Variants in RFTN1 observed in about 807,000 individuals in gnomAD.
The protein encoded by RFTN1 is raftlin.
RFTN1 carries 26 observed loss-of-function variants against 46.5 expected under a neutral mutation model. The observed-to-expected ratio is 0.56, with a 90% CI of 0.41 to 0.78. The LOEUF is 0.78. Among genes scored for constraint, RFTN1 ranks in the 30% least tolerant of loss-of-function variants. The pLI, the probability that RFTN1 is intolerant of heterozygous loss-of-function variation, is 0.00. For missense variants in RFTN1, 693 were observed against 718.7 expected (o/e 0.96, Z 0.41); for synonymous variants, 261 against 284.2 (o/e 0.92, Z 0.82).
In RFTN1 at chr3:16,507,700, CAT is replaced by C. The variant is rs759929654; in HGVS notation, c.-9+5740_-9+5741del. On this transcript the variant is annotated intron_variant, in intron 1 of 9. Coordinates refer to ENST00000334133, the MANE Select transcript of RFTN1 (RefSeq NM_015150.2). This position sits in a 1 kb window ranked among gnomAD's most constrained non-coding sequence, Gnocchi z 7.1. Reference sequence around the variant, plus strand: ...GCACATAAACACACACATACACACACATACATACACATACACACATACACACA... The same window carrying C: ...GCACATAAACACACACATACACACACACATACACATACACACATACACACA... 1.3e-5 allele frequency among the ~76,000 whole-genome samples: 2 copies of C among 151,298 alleles called. No individual in the cohort carries two copies. Among genetic ancestry groups the C allele is most frequent in the African/African-American group, 2.4e-5 (1 of 41,116 alleles).
intron 3 of RFTN1, among the ~76,000 whole-genome samples, chr3:16,415,152 A>G (rs2075049787): frequency 6.6e-6 from 1 of 152,058 alleles, no homozygotes; most frequent in Non-Finnish European, 1.5e-5. Flanking sequence ...GCTGGGTTCC[A>G]GTTATATTTT....
rs566123039 is a variant in RFTN1, at chr3:16,443,928, A to G, written c.146-9891T>C. On this transcript the variant is annotated intron_variant, in intron 2 of 9. Coordinates refer to ENST00000334133, the MANE Select transcript of RFTN1 (RefSeq NM_015150.2). The surrounding 1 kb of genome is among the most constrained non-coding windows in gnomAD (Gnocchi z 5.5). ...CATTTTGTCAGAGAAGACACAGGCT[A>G]AGATACATCAAGAAGCCTTTTTAAG... Among the ~76,000 whole-genome samples the G allele has an allele frequency of 6.6e-6, 1 of 152,338 alleles. No homozygotes were observed. Among genetic ancestry groups the G allele is most frequent in the South Asian group, 2.1e-4 (1 of 4,824 alleles).
At chr3:16,349,905 T>C (rs1003412911) in intron 7 of RFTN1, 6 of 152,272 alleles carry the variant, frequency 3.9e-5, no homozygotes, top group African/African-American at 1.2e-4. Flanking sequence ...TGTTGCAGTT[T>C]TGAGTCTGCA....
At chr3:16,415,430 T>TATATATATATAC in intron 3 of RFTN1, among the ~76,000 whole-genome samples, 4 of 114,348 alleles carry the variant, frequency 3.5e-5, no homozygotes, top group African/African-American at 1.1e-4. Flanking sequence ...TATATATATA[T>TATATATATATAC]ACACACACAC....
intron 6 of RFTN1, among the ~76,000 whole-genome samples, chr3:16,362,517 C>T (rs917625546): frequency 2.0e-5 from 3 of 152,298 alleles, no homozygotes. Flanking sequence ...GAGCCCCTAT[C>T]ACAATAGGGA....
chr3:16,382,459 G>A lies in RFTN1; in HGVS notation c.442-4357C>T, dbSNP rs1398332083. 6.6e-6 allele frequency among the ~76,000 whole-genome samples: 1 copy of A among 152,132 alleles called. No individual in the cohort carries two copies. The highest frequency in any genetic ancestry group is 1.5e-5 in the Non-Finnish European group (1 of 68,032). On this transcript the variant is annotated intron_variant, in intron 4 of 9. Coordinates refer to ENST00000334133, the MANE Select transcript of RFTN1 (RefSeq NM_015150.2). This position sits in a 1 kb window ranked among gnomAD's most constrained non-coding sequence, Gnocchi z 4.7. ...CCAGTCTCACATTCATCATGGTGGT[G>A]GGCATGCGATGTATTCATCAGGGTT...
At chr3:16,496,426 T>C (rs1390069787) in intron 1 of RFTN1, among the ~76,000 whole-genome samples, 2 of 152,092 alleles carry the variant, frequency 1.3e-5, no homozygotes, top group Non-Finnish European at 2.9e-5. Context: ...ACAGGTGAAA[T>C]GCCCCAACAA....
Position 16,324,612 on chromosome 3 carries a change from G to GCCCC in RFTN1, c.1251-1156_1251-1155insGGGG, listed in dbSNP as rs1270315325. Among the ~76,000 whole-genome samples the GCCCC allele has an allele frequency of 3.4e-3, 241 of 70,996 alleles. 5 individuals are homozygous for GCCCC. The highest frequency in any genetic ancestry group is 5.1e-3 in the African/African-American group (84 of 16,466). The allele number at this position is 70,996 out of a possible 152,430, so 46.6% of individuals were successfully genotyped here. A position where few individuals can be genotyped will look rare whatever the true frequency, so the allele number is the denominator to read the frequency against. ...TTGTAATAAATAACAGAATGTCCCT[G>GCCCC]ACCCCCCCCCTTTTAAGGTTGCATA... On this transcript the variant is annotated intron_variant, in intron 8 of 9. Coordinates refer to ENST00000334133, the MANE Select transcript of RFTN1 (RefSeq NM_015150.2).
intron 3 of RFTN1, chr3:16,416,066 T>G (rs1456959639): frequency 9.4e-6 from 2 of 211,818 alleles, no homozygotes; most frequent in African/African-American, 4.7e-5. Flanking sequence ...AAAAATTAAC[T>G]AAAAAGAGCT....
chr3:16,362,321 T>C (rs2072884448), intron 6 of RFTN1, among the ~76,000 whole-genome samples: 1 of 152,200 alleles, frequency 6.6e-6, no homozygotes, highest in Non-Finnish European at 1.5e-5. Context: ...CTCATCTGCT[T>C]TGCTGAAATG....
In RFTN1 at chr3:16,384,636, GA is replaced by G. The variant is rs908385163; in HGVS notation, c.442-6535del. Among the ~76,000 whole-genome samples, 2 of 152,312 alleles carry G rather than the reference GA, an allele frequency of 1.3e-5. No homozygotes were observed. The highest frequency in any genetic ancestry group is 1.3e-4 in the Admixed American group (2 of 15,300). On this transcript the variant is annotated intron_variant, in intron 4 of 9. Coordinates refer to ENST00000334133, the MANE Select transcript of RFTN1 (RefSeq NM_015150.2). This position sits in a 1 kb window ranked among gnomAD's most constrained non-coding sequence, Gnocchi z 4.7. ...CTACAAGTTACATAATAAACTTAAT[GA>G]AATGCCTGTAACTAATGAGCTAATT...
At position 16,387,033 on chromosome 3, in the gene RFTN1, G is replaced by C. The variant is rs1246116494; in HGVS notation, c.442-8931C>G. ...AACAAGCTGGGACATATGGTCACCT[G>C]GTTCAGTGTGACCAGCAGTGAAGAC... On this transcript the variant is annotated intron_variant, in intron 4 of 9. Coordinates refer to ENST00000334133, the MANE Select transcript of RFTN1 (RefSeq NM_015150.2). The surrounding 1 kb of genome is among the most constrained non-coding windows in gnomAD (Gnocchi z 5.2). 1.3e-5 allele frequency among the ~76,000 whole-genome samples: 2 copies of C among 152,210 alleles called. No homozygotes were observed. Among genetic ancestry groups the C allele is most frequent in the Non-Finnish European group, 2.9e-5 (2 of 68,026 alleles).
chr3:16,330,316 G>C (rs1277938199), intron 7 of RFTN1, among the ~76,000 whole-genome samples: 1 of 152,300 alleles, frequency 6.6e-6, no homozygotes, highest in East Asian at 1.9e-4. Flanking sequence ...GTGATTTTCC[G>C]TAAGCATCTA....
At position 16,468,022 on chromosome 3, in the gene RFTN1, T is replaced by C. The variant is rs1327203820; in HGVS notation, c.145+25703A>G. ...GCCTTTCCCATTCATTATCATCATC[T>C]TTTCTTCATAAATCAAGTCTGCCAG... is the stretch of plus-strand genomic sequence containing the variant. On this transcript the variant is annotated intron_variant, in intron 2 of 9. Coordinates refer to ENST00000334133, the MANE Select transcript of RFTN1 (RefSeq NM_015150.2). This position sits in a 1 kb window ranked among gnomAD's most constrained non-coding sequence, Gnocchi z 4.4. Among the ~76,000 whole-genome samples, 1 of 152,134 alleles carries C rather than the reference T, an allele frequency of 6.6e-6. No homozygotes were observed. The highest frequency in any genetic ancestry group is 2.1e-4 in the South Asian group (1 of 4,830).
At chr3:16,364,001 A>G (rs1230649275) in intron 6 of RFTN1, among the ~76,000 whole-genome samples, 2 of 152,228 alleles carry the variant, frequency 1.3e-5, no homozygotes, top group African/African-American at 4.8e-5. Flanking sequence ...ATCACACTGC[A>G]GCTAATTTGC....
intron 4 of RFTN1, 26 bp downstream of exon 4, chr3:16,409,348 CA>C: frequency 6.7e-7 from 1 of 1,490,882 alleles, no homozygotes; most frequent in Non-Finnish European, 9.4e-7. Context: ...CAAACCTCTT[CA>C]ATGGTACCCT....
intron 4 of RFTN1, among the ~76,000 whole-genome samples, chr3:16,391,392 C>A (rs759616793): frequency 6.6e-6 from 1 of 152,158 alleles, no homozygotes; most frequent in Non-Finnish European, 1.5e-5. Flanking sequence ...TGGTAATATG[C>A]CCTTTTTCTC....
intron 1 of RFTN1, among the ~76,000 whole-genome samples, chr3:16,502,366 G>A (rs191864615): frequency 2.4e-3 from 359 of 150,838 alleles, no homozygotes; most frequent in Non-Finnish European, 3.7e-3. Context: ...CCTGGGCAAC[G>A]GAGTGAGACC....
Position 16,338,639 on chromosome 3 carries a change from G to A in RFTN1, c.1147-11763C>T, listed in dbSNP as rs989570895. ...GTCCCTCCTACTGGCTTTGATGAGA[G>A]AGAAAACTAGGCTTTCTGGGAGTAA... On this transcript the variant is annotated intron_variant, in intron 7 of 9. Transcript: ENST00000334133. This position sits in a 1 kb window ranked among gnomAD's most constrained non-coding sequence, Gnocchi z 5.3. 1.3e-5 allele frequency among the ~76,000 whole-genome samples: 2 copies of A among 152,204 alleles called. No homozygotes were observed. The highest frequency in any genetic ancestry group is 2.9e-5 in the Non-Finnish European group (2 of 68,026).
Sources: gnomAD v4.1 joint callset for allele counts (sites outside exome capture counted in the v4.1 genomes callset) on GRCh38, gnomAD v4.1.1 for gene constraint, Gnocchi (gnomAD v3.1) non-coding constraint, MANE v1.5 for transcripts, NCBI Gene and HGNC (gene_info 2026-07-23, HGNC 2026-07-21) for gene names.